DLGAP2: variants seen among roughly 807,000 people sequenced by gnomAD.
The protein encoded by DLGAP2 is DLG associated protein 2, also known as disks large-associated protein 2.
DLGAP2 carries 26 observed loss-of-function variants against 100.3 expected under a neutral mutation model. That is an observed-to-expected ratio of 0.26 (90% CI 0.19 to 0.36). DLGAP2 has a LOEUF of 0.36. Among genes scored for constraint, DLGAP2 ranks in the 10% least tolerant of loss-of-function variants. DLGAP2 has a pLI of 1.00. For missense variants in DLGAP2, 1,858 were observed against 1,453.2 expected (o/e 1.28, Z -4.53); for synonymous variants, 886 against 630.1 (o/e 1.41, Z -6.08).
At chr8:1,563,742 A>G (rs2956910) in intron 5 of DLGAP2, among the ~76,000 whole-genome samples, 74,248 of 151,942 alleles carry the variant, frequency 0.49, 18,293 homozygotes, top group Middle Eastern at 0.61. Context: ...CTGCCGGAGC[A>G]CTGGTGTGGC....
At chr8:1,456,352 C>A (rs181539981) in intron 3 of DLGAP2, among the ~76,000 whole-genome samples, 1 of 152,154 alleles carries the variant, frequency 6.6e-6, no homozygotes, top group African/African-American at 2.4e-5. Context: ...TAAATATGAC[C>A]GAAATTCTGT....
Position 1,331,940 on chromosome 8 carries a change from T to C in DLGAP2, c.106+73057T>C, listed in dbSNP as rs187456323. 2.2e-3 allele frequency among the ~76,000 whole-genome samples: 329 copies of C among 152,132 alleles called. 1 individual carries two copies. Among genetic ancestry groups the C allele is most frequent in the Middle Eastern group, 6.8e-3 (2 of 294 alleles). On this transcript the variant is annotated intron_variant, in intron 3 of 14. Transcript: ENST00000637795. Reference sequence around the variant, plus strand: ...CAGCAAACAATCCCTAGGGAGCCACTGGGGAGGGCACAGCCACCTCCTGCC... The same window carrying C: ...CAGCAAACAATCCCTAGGGAGCCACCGGGGAGGGCACAGCCACCTCCTGCC...
intron 6 of DLGAP2, among the ~76,000 whole-genome samples, chr8:1,591,858 A>G (rs1311530724): frequency 2.0e-5 from 3 of 152,260 alleles, no homozygotes; most frequent in East Asian, 3.9e-4. Context: ...CTCTGCGTCA[A>G]TAATTCTGAC....
chr8:1,616,768 A>G (rs138409916), intron 6 of DLGAP2, among the ~76,000 whole-genome samples: 2 of 150,864 alleles, frequency 1.3e-5, no homozygotes, highest in East Asian at 3.9e-4. Flanking sequence ...TCAGGGGTAC[A>G]TGCACAGATT....
At chr8:1,232,258 C>A (rs1356718682) in intron 2 of DLGAP2, among the ~76,000 whole-genome samples, 1 of 152,202 alleles carries the variant, frequency 6.6e-6, no homozygotes, top group African/African-American at 2.4e-5. Context: ...CAAAAGGACC[C>A]CGTGCTGAGG....
At chr8:935,403 G>C (rs1382028295) in intron 2 of DLGAP2, among the ~76,000 whole-genome samples, 2 of 152,080 alleles carry the variant, frequency 1.3e-5, no homozygotes, top group Non-Finnish European at 2.9e-5. Flanking sequence ...TTGAAGACTT[G>C]GTATGAAAAC....
chr8:1,478,314 C>T (rs1236268080), intron 3 of DLGAP2, among the ~76,000 whole-genome samples: 1 of 152,180 alleles, frequency 6.6e-6, no homozygotes, highest in Admixed American at 6.5e-5. Context: ...CAGGAGGACA[C>T]ATACAGGCAT....
chr8:944,229 G>T (rs1799261814), intron 2 of DLGAP2, among the ~76,000 whole-genome samples: 1 of 152,148 alleles, frequency 6.6e-6, no homozygotes, highest in African/African-American at 2.4e-5. Flanking sequence ...ACCAGTCCCT[G>T]TGGGTGATCC....
chr8:849,313 T>C (rs1347691369), intron 1 of DLGAP2, among the ~76,000 whole-genome samples: 1 of 152,220 alleles, frequency 6.6e-6, no homozygotes, highest in Non-Finnish European at 1.5e-5. Flanking sequence ...CATGTTCCAG[T>C]ACAGGAACGA....
At chr8:959,982 T>G (rs1415367567) in intron 2 of DLGAP2, among the ~76,000 whole-genome samples, 3 of 152,140 alleles carry the variant, frequency 2.0e-5, no homozygotes, top group Non-Finnish European at 4.4e-5. Flanking sequence ...AAACTGAGTA[T>G]TGTTCTACAG....
intron 2 of DLGAP2, among the ~76,000 whole-genome samples, chr8:918,054 T>C (rs907351962): frequency 5.9e-5 from 9 of 152,164 alleles, no homozygotes; most frequent in Non-Finnish European, 2.9e-5. Context: ...CAGCTGAAGA[T>C]ATTCAGCCCT....
At chr8:936,383 G>C (rs774409417) in intron 2 of DLGAP2, among the ~76,000 whole-genome samples, 3 of 152,192 alleles carry the variant, frequency 2.0e-5, no homozygotes, top group Non-Finnish European at 4.4e-5. Flanking sequence ...CTGTTGAGTA[G>C]GACCTCTGAT....
At chr8:1,497,120 C>A (rs1292177743) in intron 3 of DLGAP2, among the ~76,000 whole-genome samples, 1 of 152,196 alleles carries the variant, frequency 6.6e-6, no homozygotes, top group Non-Finnish European at 1.5e-5. Flanking sequence ...AGTGAGGAAG[C>A]CCCACCCGGA....
At chr8:1,072,802 A>T (rs571175325) in intron 2 of DLGAP2, among the ~76,000 whole-genome samples, 95 of 152,310 alleles carry the variant, frequency 6.2e-4, no homozygotes, top group Non-Finnish European at 4.4e-4. Flanking sequence ...TTAGGCACGT[A>T]CCTGGGGTGG....
intron 2 of DLGAP2, among the ~76,000 whole-genome samples, chr8:1,094,208 G>C (rs576983362): frequency 6.6e-6 from 1 of 152,360 alleles, no homozygotes; most frequent in Non-Finnish European, 1.5e-5. Flanking sequence ...GACTGGCTGA[G>C]ACTTTGGACG....
intron 1 of DLGAP2, among the ~76,000 whole-genome samples, chr8:773,947 A>G (rs1341035888): frequency 6.6e-6 from 1 of 152,194 alleles, no homozygotes; most frequent in Non-Finnish European, 1.5e-5. Context: ...TGGTTGAACT[A>G]GTTTACAGTC....
chr8:1,523,676 G>A (rs868062187), intron 4 of DLGAP2, among the ~76,000 whole-genome samples: 12 of 152,280 alleles, frequency 7.9e-5, no homozygotes, highest in Middle Eastern at 6.8e-3. Context: ...TCGTGGAGCC[G>A]TCTGCATTTT....
At chr8:1,454,795 C>T (rs1563159462) in intron 3 of DLGAP2, among the ~76,000 whole-genome samples, 1 of 152,142 alleles carries the variant, frequency 6.6e-6, no homozygotes, top group Non-Finnish European at 1.5e-5. Context: ...GTCAGTGGCC[C>T]AGAGACCCCC....
chr8:1,527,593 A>G lies in DLGAP2; in HGVS notation c.173-21033A>G, dbSNP rs570770480. Among the ~76,000 whole-genome samples, 45 of 152,306 alleles carry G rather than the reference A, an allele frequency of 3.0e-4. 1 individual carries two copies. The highest frequency in any genetic ancestry group is 8.3e-4 in the South Asian group (4 of 4,824). On this transcript the variant is annotated intron_variant, in intron 4 of 14. Coordinates refer to ENST00000637795, the MANE Select transcript of DLGAP2 (RefSeq NM_001346810.2). ...ATTTCTGAGAGTGAGAAAAGTTTCTATTTTTCCTAAGGAAAGAAGAGAACT... is the reference window on the plus strand; with the variant it reads ...ATTTCTGAGAGTGAGAAAAGTTTCTGTTTTTCCTAAGGAAAGAAGAGAACT...
Sources: allele counts gnomAD v4.1 joint callset (sites outside exome capture counted in the v4.1 genomes callset), GRCh38; gene constraint gnomAD v4.1.1; transcripts MANE v1.5; gene names NCBI Gene and HGNC (gene_info 2026-07-23, HGNC 2026-07-21).